ANKS1B: variants seen among roughly 807,000 people sequenced by gnomAD.
The protein encoded by ANKS1B is ankyrin repeat and sterile alpha motif domain containing 1B.
A neutral mutation model predicts 148.3 loss-of-function variants in ANKS1B; 36 were observed. The ratio of observed to expected loss-of-function variants is 0.24; its 90% CI spans 0.19 to 0.32. The LOEUF (loss-of-function observed/expected upper bound fraction) is 0.32, where lower values mean the gene tolerates loss of function less well. Ranked by LOEUF, ANKS1B falls within the 10% of genes least tolerant of loss-of-function variation. ANKS1B has a pLI of 1.00. For missense variants in ANKS1B, 1,157 were observed against 1,542.6 expected (o/e 0.75, Z 4.19); for synonymous variants, 542 against 560.8 (o/e 0.97, Z 0.47).
At chr12:99,851,670 A>G (rs1400522661) in intron 1 of ANKS1B, among the ~76,000 whole-genome samples, 27 of 152,152 alleles carry the variant, frequency 1.8e-4, no homozygotes, top group Admixed American at 1.8e-3. Context: ...CAATTTTAAT[A>G]ATGTACTATC....
At chr12:99,376,563 G>A (rs180913368) in intron 12 of ANKS1B, among the ~76,000 whole-genome samples, 2 of 152,106 alleles carry the variant, frequency 1.3e-5, no homozygotes, top group East Asian at 3.9e-4. Flanking sequence ...TCAGTAACAG[G>A]GTCTCTTAAA....
At chr12:99,723,100 C>T (rs1009609317) in intron 8 of ANKS1B, among the ~76,000 whole-genome samples, 1 of 152,234 alleles carries the variant, frequency 6.6e-6, no homozygotes, top group Non-Finnish European at 1.5e-5. Context: ...TCTCAAAAGC[C>T]TCTCAGCTAG....
At chr12:99,576,037 A>G (rs994919197) in intron 9 of ANKS1B, among the ~76,000 whole-genome samples, 7 of 152,110 alleles carry the variant, frequency 4.6e-5, no homozygotes, top group Admixed American at 4.6e-4. Context: ...TAGGCTCAAA[A>G]TAAAGGGACG....
chr12:99,581,730 A>G (rs2097571411), intron 9 of ANKS1B, among the ~76,000 whole-genome samples: 1 of 151,372 alleles, frequency 6.6e-6, no homozygotes, highest in Non-Finnish European at 1.5e-5. Context: ...CTCTACTAAA[A>G]ATACAAAAAA....
chr12:99,627,473 G>C (rs1464371561), intron 9 of ANKS1B, among the ~76,000 whole-genome samples: 1 of 152,194 alleles, frequency 6.6e-6, no homozygotes, highest in Non-Finnish European at 1.5e-5. Context: ...TGGGGAAATG[G>C]AGGGCGATTC....
chr12:99,023,362 C>G (rs1203536729), intron 17 of ANKS1B, among the ~76,000 whole-genome samples: 1 of 152,076 alleles, frequency 6.6e-6, no homozygotes, highest in Non-Finnish European at 1.5e-5. Flanking sequence ...TGACAATGCC[C>G]TTTTTCATTC....
At chr12:99,703,692 T>C (rs1384562091) in intron 8 of ANKS1B, among the ~76,000 whole-genome samples, 1 of 152,110 alleles carries the variant, frequency 6.6e-6, no homozygotes, top group Non-Finnish European at 1.5e-5. Flanking sequence ...TCCCAGGATA[T>C]ATTTCTGTAC....
intron 11 of ANKS1B, among the ~76,000 whole-genome samples, chr12:99,441,340 C>T (rs987298792): frequency 6.6e-6 from 1 of 151,852 alleles, no homozygotes; most frequent in Non-Finnish European, 1.5e-5. Context: ...ATCCATCCAT[C>T]CTCTATGCAC....
At chr12:98,812,037 T>C (rs577588478) in intron 19 of ANKS1B, among the ~76,000 whole-genome samples, 2 of 152,342 alleles carry the variant, frequency 1.3e-5, no homozygotes, top group Admixed American at 6.5e-5. Context: ...ACATGGCTTA[T>C]GTACATTTTT....
chr12:99,782,388 C>T (rs1167301754), intron 4 of ANKS1B, among the ~76,000 whole-genome samples: 4 of 152,042 alleles, frequency 2.6e-5, no homozygotes, highest in Non-Finnish European at 5.9e-5. Flanking sequence ...GGCAAAACCC[C>T]GTCTCTACTA....
At chr12:99,921,279 G>C (rs942032788) in intron 1 of ANKS1B, among the ~76,000 whole-genome samples, 1 of 152,028 alleles carries the variant, frequency 6.6e-6, no homozygotes, top group Non-Finnish European at 1.5e-5. Flanking sequence ...GCTTTTATAA[G>C]GGGCTCTTCC....
At chr12:99,225,883 A>C (rs1277955796) in intron 14 of ANKS1B, among the ~76,000 whole-genome samples, 2 of 152,206 alleles carry the variant, frequency 1.3e-5, no homozygotes, top group African/African-American at 4.8e-5. Context: ...TGATCATGTG[A>C]GTCAATATTC....
At chr12:98,926,845 A>G (rs1282021445) in intron 17 of ANKS1B, among the ~76,000 whole-genome samples, 1 of 152,144 alleles carries the variant, frequency 6.6e-6, no homozygotes, top group Non-Finnish European at 1.5e-5. Context: ...GGAAAAAAGA[A>G]TGAAGAAAAA....
chr12:99,546,081 T>C (rs1472811932), intron 9 of ANKS1B, among the ~76,000 whole-genome samples: 2 of 152,074 alleles, frequency 1.3e-5, no homozygotes, highest in Admixed American at 6.6e-5. Flanking sequence ...TCAAGTTGAA[T>C]GGAAGGATTA....
At chr12:98,891,578 G>C (rs1202829102) in intron 17 of ANKS1B, among the ~76,000 whole-genome samples, 1 of 152,168 alleles carries the variant, frequency 6.6e-6, no homozygotes, top group Non-Finnish European at 1.5e-5. Flanking sequence ...TATGTGGGAA[G>C]ATAAATGCAT....
chr12:98,837,777 A>AAATTAAACATGTTT (rs2099383614), intron 17 of ANKS1B, among the ~76,000 whole-genome samples: 1 of 152,156 alleles, frequency 6.6e-6, no homozygotes, highest in African/African-American at 2.4e-5. Flanking sequence ...ATGTGATATA[A>AAATTAAACATGTTT]AATTAAACAT....
intron 8 of ANKS1B, among the ~76,000 whole-genome samples, chr12:99,763,033 A>G (rs756495124): frequency 1.3e-5 from 2 of 152,154 alleles, no homozygotes; most frequent in Non-Finnish European, 2.9e-5. Flanking sequence ...GATCGCTTAA[A>G]CACTATTTGT....
At chr12:99,799,219 C>A (rs2066633305) in intron 4 of ANKS1B, among the ~76,000 whole-genome samples, 1 of 152,052 alleles carries the variant, frequency 6.6e-6, no homozygotes, top group Non-Finnish European at 1.5e-5. Context: ...CCTCTTTTAA[C>A]TGCTTCTTTA....
At chr12:99,231,977 T>A (rs1468763595) in intron 14 of ANKS1B, among the ~76,000 whole-genome samples, 1 of 152,102 alleles carries the variant, frequency 6.6e-6, no homozygotes, top group Admixed American at 6.6e-5. Flanking sequence ...AGTGAGTTCC[T>A]AAGGTCCTAG....
Sources: allele counts gnomAD v4.1 joint callset (sites outside exome capture counted in the v4.1 genomes callset), GRCh38; gene constraint gnomAD v4.1.1; transcripts MANE v1.5; gene names NCBI Gene and HGNC (gene_info 2026-07-23, HGNC 2026-07-21).